PACS1: variants seen among roughly 807,000 people sequenced by gnomAD.
The protein encoded by PACS1 is phosphofurin acidic cluster sorting protein 1.
A neutral mutation model predicts 115.0 loss-of-function variants in PACS1; 24 were observed. The ratio of observed to expected loss-of-function variants is 0.21; its 90% CI spans 0.15 to 0.29. PACS1 has a LOEUF of 0.29. Among genes scored for constraint, PACS1 ranks in the 10% least tolerant of loss-of-function variants. PACS1 has a pLI of 1.00. For synonymous variants in PACS1, 453 were observed against 504.5 expected (o/e 0.90, Z 1.37); for missense variants, 838 against 1,251.2 (o/e 0.67, Z 4.98).
chr11:66,130,354 C>G lies in PACS1; in HGVS notation c.356+59512C>G, dbSNP rs146750978. 6.1e-3 allele frequency among the ~76,000 whole-genome samples: 926 copies of G among 152,068 alleles called. 5 individuals are homozygous for G. The highest frequency in any genetic ancestry group is 9.0e-3 in the Non-Finnish European group (609 of 67,962). Reference sequence around the variant, plus strand: ...AAAGGAGAGTTGAAGCAGAAGGAAACTTCCTTCTGCCCCTTTGAATTTGTT... The same window carrying G: ...AAAGGAGAGTTGAAGCAGAAGGAAAGTTCCTTCTGCCCCTTTGAATTTGTT... On this transcript the variant is annotated intron_variant, in intron 1 of 23. Coordinates refer to ENST00000320580, the MANE Select transcript of PACS1 (RefSeq NM_018026.4).
intron 1 of PACS1, among the ~76,000 whole-genome samples, chr11:66,121,962 T>C (rs542853999): frequency 6.6e-6 from 1 of 152,336 alleles, no homozygotes; most frequent in Non-Finnish European, 1.5e-5. Context: ...AAACAACAGA[T>C]TTTCAGTGGA....
At chr11:66,126,726 C>T (rs762953440) in intron 1 of PACS1, among the ~76,000 whole-genome samples, 1 of 152,078 alleles carries the variant, frequency 6.6e-6, no homozygotes, top group Non-Finnish European at 1.5e-5. Context: ...TTTGCATTGG[C>T]AGTTATGCTG....
At position 66,200,523 on chromosome 11, in the gene PACS1, T is replaced by C. The variant is rs1854763792; in HGVS notation, c.444+6950T>C. Among the ~76,000 whole-genome samples, 4 of 149,250 alleles carry C rather than the reference T, an allele frequency of 2.7e-5. No individual in the cohort carries two copies. In the South Asian group the frequency reaches 8.5e-4, roughly 32 times the overall value. ...ATAGCTATACTTATATCAGACAAAA[T>C]AGATTTCAAGACAAAAATTGTAAAA... On this transcript the variant is annotated intron_variant, in intron 2 of 23. Transcript: ENST00000320580.
chr11:66,202,434 C>T (rs915043076), intron 2 of PACS1, among the ~76,000 whole-genome samples: 1 of 152,086 alleles, frequency 6.6e-6, no homozygotes, highest in African/African-American at 2.4e-5. Context: ...CAAAAATCAT[C>T]AAGAAAATAC....
intron 1 of PACS1, among the ~76,000 whole-genome samples, chr11:66,137,311 TTAAGA>T (rs1343030351): frequency 6.6e-6 from 1 of 152,138 alleles, no homozygotes; most frequent in Non-Finnish European, 1.5e-5. Flanking sequence ...AGAATTTATT[TTAAGA>T]TAAGATGTGA....
rs910230579 is a variant in PACS1, at chr11:66,169,985, A to C, written c.357-23501A>C. 2.7e-5 allele frequency among the ~76,000 whole-genome samples: 4 copies of C among 150,540 alleles called. No individual in the cohort carries two copies. In the East Asian group the frequency reaches 7.7e-4, roughly 29 times the overall value. On this transcript the variant is annotated intron_variant, in intron 1 of 23. Coordinates refer to ENST00000320580, the MANE Select transcript of PACS1 (RefSeq NM_018026.4). Reference sequence around the variant, plus strand: ...ATTTTCAGAAGAGTTTAAACTACTGACCACTGTCTTTAATAGTTGTAGAAA... The same window carrying C: ...ATTTTCAGAAGAGTTTAAACTACTGCCCACTGTCTTTAATAGTTGTAGAAA...
intron 1 of PACS1, among the ~76,000 whole-genome samples, chr11:66,077,687 T>C (rs890004580): frequency 1.3e-5 from 2 of 148,346 alleles, no homozygotes; most frequent in Non-Finnish European, 3.0e-5. Flanking sequence ...TGCAGATCCT[T>C]TTAAATTGTA....
intron 9 of PACS1, 64 bp from the exon 10 acceptor site, chr11:66,221,090 A>G: frequency 6.8e-7 from 1 of 1,477,300 alleles, no homozygotes; most frequent in Non-Finnish European, 9.5e-7. Flanking sequence ...AGCTCCATTC[A>G]ACTCTCCCAG....
At chr11:66,171,939 T>A (rs1468353933) in intron 1 of PACS1, among the ~76,000 whole-genome samples, 3 of 152,196 alleles carry the variant, frequency 2.0e-5, no homozygotes, top group Non-Finnish European at 4.4e-5. Context: ...ATTTTCTTAG[T>A]TTACTCTCAA....
chr11:66,192,650 T>G (rs1854554996), intron 1 of PACS1, among the ~76,000 whole-genome samples: 1 of 152,228 alleles, frequency 6.6e-6, no homozygotes, highest in Non-Finnish European at 1.5e-5. Flanking sequence ...ATCCCTCATG[T>G]GTACCGTTCC....
chr11:66,211,671 G>A (rs926818675), intron 4 of PACS1, among the ~76,000 whole-genome samples: 1 of 152,056 alleles, frequency 6.6e-6, no homozygotes, highest in Non-Finnish European at 1.5e-5. Flanking sequence ...CCCATTACAC[G>A]TTAATACTGC....
At chr11:66,075,683 G>A (rs1565097482) in intron 1 of PACS1, among the ~76,000 whole-genome samples, 1 of 151,332 alleles carries the variant, frequency 6.6e-6, no homozygotes, top group Non-Finnish European at 1.5e-5. Flanking sequence ...AAATGTAATT[G>A]ATCAAATAAG....
chr11:66,084,296 C>T (rs571742777), intron 1 of PACS1: 2 of 152,394 alleles, frequency 1.3e-5, no homozygotes, highest in African/African-American at 2.4e-5. Context: ...CTGGCAGGTT[C>T]CAGAGCATCC....
intron 1 of PACS1, among the ~76,000 whole-genome samples, chr11:66,113,149 A>G (rs1238519683): frequency 6.6e-6 from 1 of 152,252 alleles, no homozygotes; most frequent in African/African-American, 2.4e-5. Context: ...GTCAGAACTT[A>G]TCAAAATGTA....
intron 1 of PACS1, among the ~76,000 whole-genome samples, chr11:66,076,977 C>T (rs945569410): frequency 6.6e-6 from 1 of 152,240 alleles, no homozygotes; most frequent in Non-Finnish European, 1.5e-5. Flanking sequence ...TTGGCAAGCA[C>T]TGACAGGGTC....
At chr11:66,242,371 G>C (rs979423299) in intron 22 of PACS1, among the ~76,000 whole-genome samples, 4 of 152,228 alleles carry the variant, frequency 2.6e-5, no homozygotes, top group Non-Finnish European at 5.9e-5. Context: ...TTCCCCTGGG[G>C]GGTCAGGCAT....
intron 1 of PACS1, among the ~76,000 whole-genome samples, chr11:66,140,482 T>G (rs1858953679): frequency 6.6e-6 from 1 of 152,176 alleles, no homozygotes; most frequent in African/African-American, 2.4e-5. Context: ...ACTTGTAACT[T>G]GTACTCTGCC....
intron 2 of PACS1, among the ~76,000 whole-genome samples, chr11:66,194,157 G>C (rs1352317445): frequency 6.6e-6 from 1 of 152,032 alleles, no homozygotes; most frequent in Non-Finnish European, 1.5e-5. Context: ...GTAGAGACAG[G>C]GTTTCACTGT....
Position 66,232,241 on chromosome 11 carries a change from G to A in PACS1, c.1696G>A (p.Val566Ile), listed in dbSNP as rs771887947. 1.2e-6 allele frequency: 2 copies of A among 1,612,760 alleles called. No homozygotes were observed. Among genetic ancestry groups the A allele is most frequent in the Non-Finnish European group, 1.7e-6 (2 of 1,178,722 alleles). Residue 566 changes from valine (V) to isoleucine (I), a missense_variant, in exon 14 of 24, where the codon GTC becomes ATC. By Grantham distance (29) the Val-to-Ile change is conservative. Around this residue, in one of 6 missense-constraint regions of PACS1, gnomAD observed 383 missense variants for 537.0 expected, o/e 0.71. Coordinates refer to ENST00000320580, the MANE Select transcript of PACS1 (RefSeq NM_018026.4). The stretch of plus-strand genomic sequence containing the variant: ...GTCAGATGCAGCCCTCCCAGAAAAT[G>A]TCATTCTGGTGAACACCACTGACTG... ...LVSDAALPENVILVNTTDWQG... is the reference protein window; with the variant it reads ...LVSDAALPENIILVNTTDWQG...
Sources: allele counts gnomAD v4.1 joint callset (sites outside exome capture counted in the v4.1 genomes callset), GRCh38; gene constraint gnomAD v4.1.1; regional missense constraint gnomAD v4.1.1; transcripts MANE v1.5; gene names NCBI Gene and HGNC (gene_info 2026-07-23, HGNC 2026-07-21).